The following ANKRD36C variants were observed in gnomAD, a reference collection of about 807,000 sequenced individuals.
The protein encoded by ANKRD36C is ankyrin repeat domain-containing protein 36C.
In ANKRD36C, 61 loss-of-function variants were observed where a neutral mutation model predicts 276.4. The observed-to-expected ratio is 0.22, with a 90% CI of 0.18 to 0.27. The LOEUF (loss-of-function observed/expected upper bound fraction) is 0.27, where lower values mean the gene tolerates loss of function less well. Ranked by LOEUF, ANKRD36C falls within the 10% of genes least tolerant of loss-of-function variation. The pLI is 1.00. For synonymous variants in ANKRD36C, 483 were observed against 680.1 expected (o/e 0.71, Z 4.51); for missense variants, 1,447 against 2,032.3 (o/e 0.71, Z 5.54).
At chr2:95,890,121 T>G in intron 46 of ANKRD36C, 127 bp from the exon 67 acceptor site, 2 of 1,277,238 alleles carry the variant, frequency 1.6e-6, no homozygotes, top group Non-Finnish European at 2.2e-6. Flanking sequence ...ATGGCTTCTA[T>G]ATTGTGTCGG....
chr2:95,858,014 A>C (rs1246984854), intron 61 of ANKRD36C, among the ~76,000 whole-genome samples: 1 of 152,060 alleles, frequency 6.6e-6, no homozygotes, highest in Non-Finnish European at 1.5e-5. Flanking sequence ...CCAATTGTCA[A>C]CCAGAAAATG....
At chr2:95,977,415 T>C (rs1453563257) in intron 6 of ANKRD36C, among the ~76,000 whole-genome samples, 1 of 152,190 alleles carries the variant, frequency 6.6e-6, no homozygotes. Context: ...TTATTGTTTT[T>C]TTATAAATAA....
rs563176361 is a variant in ANKRD36C, at chr2:95,893,432, A to T, written c.2756-1572T>A. 585 of 1,472,210 alleles carry T rather than the reference A, an allele frequency of 4.0e-4. 2 individuals carry two copies. The highest frequency in any genetic ancestry group is 5.2e-4 in the Non-Finnish European group (564 of 1,092,320). 91.2% of individuals were successfully genotyped at this position (1,472,210 alleles called of 1,614,324 possible). ...TGAAGAATCTCCGGCCTGCTGAATC[A>T]GAAAGTGCAGCTTCGACGAGCCCCC... On this transcript the variant is annotated intron_variant, in intron 44 of 66. Transcript: ENST00000456556.
At chr2:95,876,264 T>C (rs1039313757) in intron 59 of ANKRD36C, among the ~76,000 whole-genome samples, 175 bp downstream of exon 79, 9 of 152,278 alleles carry the variant, frequency 5.9e-5, no homozygotes, top group Admixed American at 3.9e-4. Context: ...TGCTATAGAT[T>C]CCAACACTAT....
intron 59 of ANKRD36C, among the ~76,000 whole-genome samples, chr2:95,873,764 T>C (rs569237941): frequency 6.6e-6 from 1 of 152,358 alleles, no homozygotes; most frequent in East Asian, 1.9e-4. Context: ...GACATGATTG[T>C]ATAACTAGAA....
At chr2:95,909,103 T>C (rs1429263136) in intron 42 of ANKRD36C, among the ~76,000 whole-genome samples, 1 of 149,424 alleles carries the variant, frequency 6.7e-6, no homozygotes, top group African/African-American at 2.5e-5. Flanking sequence ...TACACCATTA[T>C]ACTACAAACA....
At chr2:95,906,389 T>C (rs1259929713) in intron 42 of ANKRD36C, among the ~76,000 whole-genome samples, 1 of 119,690 alleles carries the variant, frequency 8.4e-6, no homozygotes, top group Non-Finnish European at 1.8e-5. Context: ...GCCCCTTATG[T>C]CTTCAACTGC....
rs759275052 is a variant in ANKRD36C at position 95,893,644 on chromosome 2, T to C, written c.2756-1784A>G. ...GAAATGAAATAATAAATAAAATATG[T>C]TTCATAGACCATACATTAACTCGTT... On this transcript the variant is annotated intron_variant, in intron 44 of 66. Coordinates refer to ENST00000456556, the Ensembl canonical transcript of ANKRD36C. 24 of 1,593,498 alleles carry C rather than the reference T, an allele frequency of 1.5e-5. No homozygotes were observed. In the Middle Eastern group the frequency reaches 5.3e-4, roughly 35 times the overall value.
intron 22 of ANKRD36C, among the ~76,000 whole-genome samples, chr2:95,938,312 A>G (rs1339623631): frequency 1.3e-5 from 2 of 152,310 alleles, no homozygotes; most frequent in Middle Eastern, 3.2e-3. Flanking sequence ...AAAGAGTTAC[A>G]AAAGAATGAT....
intron 59 of ANKRD36C, chr2:95,875,842 T>C (rs1675939886): frequency 5.7e-6 from 1 of 175,704 alleles, no homozygotes; most frequent in Admixed American, 5.8e-5. Flanking sequence ...TTAGAGATTT[T>C]CTATATTGAA....
intron 42 of ANKRD36C, among the ~76,000 whole-genome samples, chr2:95,910,049 T>C (rs1676864323): frequency 1.3e-5 from 2 of 151,282 alleles, no homozygotes; most frequent in Admixed American, 1.3e-4. Context: ...CGATACTTCC[T>C]CTCTTTCTCC....
chr2:95,872,638 C>T (rs1573730763), intron 59 of ANKRD36C, among the ~76,000 whole-genome samples: 2 of 151,834 alleles, frequency 1.3e-5, no homozygotes, highest in African/African-American at 4.8e-5. Flanking sequence ...CATTCAAAAG[C>T]TAGCAGAAGG....
At chr2:95,893,595 T>G (rs1676441918) in intron 44 of ANKRD36C, 1 of 1,579,718 alleles carries the variant, frequency 6.3e-7, no homozygotes, top group South Asian at 1.1e-5. Flanking sequence ...ATCTTCCTCG[T>G]CACCTGTAGC....
intron 44 of ANKRD36C, among the ~76,000 whole-genome samples, chr2:95,892,990 C>T (rs1285321904): frequency 6.6e-6 from 1 of 150,698 alleles, no homozygotes; most frequent in Non-Finnish European, 1.5e-5. Flanking sequence ...ATTCCAAATG[C>T]ATCTGAAGTG....
intron 34 of ANKRD36C, 111 bp downstream of exon 34, chr2:95,921,496 A>G (rs1224873400): frequency 2.8e-6 from 4 of 1,411,816 alleles, no homozygotes; most frequent in Non-Finnish European, 3.8e-6. Context: ...CTGAATCAGA[A>G]TGTGCAGCTT....
chr2:95,872,268 T>A (rs1675831568), intron 59 of ANKRD36C, among the ~76,000 whole-genome samples: 1 of 127,410 alleles, frequency 7.8e-6, no homozygotes, highest in Non-Finnish European at 1.7e-5. Context: ...TACTTGGAAG[T>A]AAAGCTCTCC....
At chr2:95,863,681 A>T (rs1456828113) in intron 60 of ANKRD36C, among the ~76,000 whole-genome samples, 1 of 152,182 alleles carries the variant, frequency 6.6e-6, no homozygotes, top group Non-Finnish European at 1.5e-5. Flanking sequence ...CAATCAATTC[A>T]TGAAAATATG....
At chr2:95,853,971 G>C in intron 63 of ANKRD36C, 110 bp from the exon 84 acceptor site, 1 of 1,332,152 alleles carries the variant, frequency 7.5e-7, no homozygotes, top group Non-Finnish European at 1.0e-6. Context: ...CACACAGACC[G>C]ATTCACCTTC....
chr2:95,890,577 G>A (rs1384249803), intron 46 of ANKRD36C, among the ~76,000 whole-genome samples: 13 of 151,390 alleles, frequency 8.6e-5, no homozygotes, highest in South Asian at 2.1e-4. Context: ...ACACCCATGT[G>A]GTGTAATAAT....
Sources: gnomAD v4.1 joint callset for allele counts (sites outside exome capture counted in the v4.1 genomes callset) on GRCh38, gnomAD v4.1.1 for gene constraint, MANE v1.5 for transcripts, NCBI Gene and HGNC (gene_info 2026-07-23, HGNC 2026-07-21) for gene names.